Variants in PRELID2 observed in about 807,000 individuals in gnomAD.
PRELID2 encodes PRELI domain-containing protein 2.
In PRELID2, 25 loss-of-function variants were observed where a neutral mutation model predicts 28.4. The ratio of observed to expected loss-of-function variants is 0.88; its 90% CI spans 0.64 to 1.23. PRELID2 has a LOEUF of 1.23. Among genes scored for constraint, PRELID2 ranks in the 50% most tolerant of loss-of-function variants. PRELID2 has a pLI of 0.00. For missense variants in PRELID2, 201 were observed against 214.4 expected (o/e 0.94, Z 0.39); for synonymous variants, 76 against 71.6 (o/e 1.06, Z -0.31).
chr5:145,478,090 A>G (rs1045215493), intron 1 of PRELID2, among the ~76,000 whole-genome samples: 4 of 152,098 alleles, frequency 2.6e-5, no homozygotes, highest in Admixed American at 2.0e-4. Flanking sequence ...GTTCCTTTCT[A>G]CTTGTTCATT....
the PRELID2 span, among the ~76,000 whole-genome samples, chr5:145,363,756 A>C: frequency 1.3e-5 from 2 of 152,040 alleles, no homozygotes; most frequent in Non-Finnish European, 2.9e-5. Context: ...CCTTCCAAAT[A>C]ATATTTGCCT....
At chr5:145,770,482 C>A (rs1185020186) in intron 5 of PRELID2, among the ~76,000 whole-genome samples, 1 of 152,206 alleles carries the variant, frequency 6.6e-6, no homozygotes, top group African/African-American at 2.4e-5. Context: ...ACAGCCTGGG[C>A]AACAAAGTGA....
At chr5:145,632,360 T>A (rs1753945008) in intron 1 of PRELID2, among the ~76,000 whole-genome samples, 1 of 152,200 alleles carries the variant, frequency 6.6e-6, no homozygotes, top group South Asian at 2.1e-4. Context: ...TAACAAAAAT[T>A]ATAAATCACT....
intron 1 of PRELID2, among the ~76,000 whole-genome samples, chr5:145,736,708 C>CA (rs1325660633): frequency 1.1e-4 from 17 of 151,694 alleles, no homozygotes; most frequent in African/African-American, 3.4e-4. Context: ...GGTAATTCCC[C>CA]CAAAAAAATA....
At chr5:145,698,308 A>C (rs989725867) in intron 1 of PRELID2, among the ~76,000 whole-genome samples, 1 of 152,346 alleles carries the variant, frequency 6.6e-6, no homozygotes, top group Middle Eastern at 3.4e-3. Context: ...TGATATTTTA[A>C]CTTTTAAATG....
chr5:145,681,686 G>A (rs980923799), intron 1 of PRELID2, among the ~76,000 whole-genome samples: 1 of 152,122 alleles, frequency 6.6e-6, no homozygotes, highest in African/African-American at 2.4e-5. Flanking sequence ...CATGAGCAGT[G>A]GCAAAACCAA....
intron 1 of PRELID2, among the ~76,000 whole-genome samples, chr5:145,722,898 C>G (rs1756031577): frequency 6.6e-6 from 1 of 152,086 alleles, no homozygotes; most frequent in Non-Finnish European, 1.5e-5. Context: ...AACATTGTAT[C>G]AAGGCTATAC....
At chr5:145,693,154 T>G (rs1755184923) in intron 1 of PRELID2, among the ~76,000 whole-genome samples, 1 of 151,680 alleles carries the variant, frequency 6.6e-6, no homozygotes, top group Non-Finnish European at 1.5e-5. Context: ...ATAAATCTTT[T>G]TTTTTTTTTT....
chr5:145,420,079 C>T, the PRELID2 span, among the ~76,000 whole-genome samples: 1 of 151,956 alleles, frequency 6.6e-6, no homozygotes, highest in South Asian at 2.1e-4. Context: ...TGTTCTGTTC[C>T]ATTGATCTAT....
intron 1 of PRELID2, among the ~76,000 whole-genome samples, chr5:145,634,675 CATACTCTA>C (rs1483794437): frequency 2.6e-5 from 4 of 152,226 alleles, no homozygotes; most frequent in African/African-American, 9.6e-5. Flanking sequence ...AGGCATTCAA[CATACTCTA>C]ATAGAATCAC....
intron 1 of PRELID2, among the ~76,000 whole-genome samples, chr5:145,735,392 C>T (rs2149730518): frequency 6.6e-6 from 1 of 152,072 alleles, no homozygotes; most frequent in Admixed American, 6.5e-5. Flanking sequence ...CATTTTTATA[C>T]ACACTCAGAA....
chr5:145,582,709 A>G (rs941938691), intron 1 of PRELID2, among the ~76,000 whole-genome samples: 5 of 152,156 alleles, frequency 3.3e-5, no homozygotes, highest in Non-Finnish European at 7.4e-5. Context: ...AAATGGATAA[A>G]TTACCAGACA....
At chr5:145,435,678 G>C in the PRELID2 span, among the ~76,000 whole-genome samples, 1 of 152,084 alleles carries the variant, frequency 6.6e-6, no homozygotes, top group African/African-American at 2.4e-5. Context: ...TTGCCAAATA[G>C]GGTCTTACAA....
chr5:145,539,883 T>C (rs1443979341), intron 1 of PRELID2, among the ~76,000 whole-genome samples: 3 of 151,790 alleles, frequency 2.0e-5, no homozygotes, highest in Admixed American at 2.0e-4. Flanking sequence ...ATTGGAACTA[T>C]GAAAAATGTT....
At chr5:145,378,275 C>A in the PRELID2 span, among the ~76,000 whole-genome samples, 1 of 152,008 alleles carries the variant, frequency 6.6e-6, no homozygotes, top group South Asian at 2.1e-4. Flanking sequence ...TGCGGAGGAT[C>A]TTTTTTGAAG....
chr5:145,238,180 G>A, the PRELID2 span, among the ~76,000 whole-genome samples: 1 of 152,102 alleles, frequency 6.6e-6, no homozygotes. Context: ...AGAAGAGAAA[G>A]AGGACAGAAG....
chr5:145,469,633 A>C (rs1752033741), downstream of PRELID2, among the ~76,000 whole-genome samples: 1 of 152,130 alleles, frequency 6.6e-6, no homozygotes, highest in Non-Finnish European at 1.5e-5. Flanking sequence ...GATAGATGGA[A>C]GCAATGACCA....
chr5:145,489,904 T>G (rs528013017), intron 1 of PRELID2, among the ~76,000 whole-genome samples: 1 of 152,196 alleles, frequency 6.6e-6, no homozygotes, highest in Non-Finnish European at 1.5e-5. Context: ...AGATTATATT[T>G]CCACCAAAAA....
At chr5:145,573,100 C>T (rs1753028693) in intron 1 of PRELID2, among the ~76,000 whole-genome samples, 1 of 152,122 alleles carries the variant, frequency 6.6e-6, no homozygotes, top group South Asian at 2.1e-4. Context: ...AAGGAAAGTT[C>T]ACATATTCTT....
Sources: allele counts gnomAD v4.1 joint callset (sites outside exome capture counted in the v4.1 genomes callset), GRCh38; gene constraint gnomAD v4.1.1; transcripts MANE v1.5; gene names NCBI Gene and HGNC (gene_info 2026-07-23, HGNC 2026-07-21).